Variants in PLD5 observed in about 807,000 individuals in gnomAD.
PLD5 encodes inactive phospholipase D5.
PLD5 carries 36 observed loss-of-function variants against 61.1 expected under a neutral mutation model. The ratio of observed to expected loss-of-function variants is 0.59; its 90% CI spans 0.45 to 0.78. The LOEUF (loss-of-function observed/expected upper bound fraction) is 0.78, where lower values mean the gene tolerates loss of function less well. PLD5 is among the 30% of genes least tolerant of loss of function. The pLI is 0.00. For synonymous variants in PLD5, 243 were observed against 242.8 expected, an observed-to-expected ratio of 1.00 and a Z score of -0.01; for missense variants, 515 against 644.4, an observed-to-expected ratio of 0.80 and a Z score of 2.17.
intron 1 of PLD5, among the ~76,000 whole-genome samples, chr1:242,504,983 C>T (rs1668674417): frequency 6.6e-6 from 1 of 152,014 alleles, no homozygotes; most frequent in South Asian, 2.1e-4. Context: ...CAATGATACT[C>T]CATCTCTAAA....
At chr1:242,267,486 T>A (rs1017209714) in intron 3 of PLD5, among the ~76,000 whole-genome samples, 4 of 152,160 alleles carry the variant, frequency 2.6e-5, no homozygotes, top group African/African-American at 9.7e-5. Context: ...TCATTGAAAG[T>A]GATTAAATTT....
Position 242,087,478 on chromosome 1 carries a change from A to C in PLD5, c.*2376T>G, listed in dbSNP as rs1332464881. 1 of 152,006 alleles carries C rather than the reference A, an allele frequency of 6.6e-6. No homozygotes were observed. Among genetic ancestry groups the C allele is most frequent in the African/African-American group, 2.4e-5 (1 of 41,340 alleles). The allele number at this position is 152,006 out of a possible 1,614,324, so 9.4% of individuals were successfully genotyped here. ...TCAGGGGACAACTTGAGAACTAACA[A>C]ATTTTAGTTTATTTGGTTTTTTTTT... is the stretch of plus-strand genomic sequence containing the variant. On this transcript the variant is annotated 3_prime_UTR_variant, in exon 10 of 10. Transcript: ENST00000536534.
At chr1:242,193,631 A>T (rs762928086) in intron 5 of PLD5, among the ~76,000 whole-genome samples, 49 of 152,224 alleles carry the variant, frequency 3.2e-4, no homozygotes, top group Non-Finnish European at 6.6e-4. Context: ...CATTATTCTC[A>T]GGGCCATTCA....
At chr1:242,200,991 T>C (rs1282176335) in intron 5 of PLD5, among the ~76,000 whole-genome samples, 1 of 152,244 alleles carries the variant, frequency 6.6e-6, no homozygotes, top group Non-Finnish European at 1.5e-5. Flanking sequence ...CAAATGTATC[T>C]AACACCTCAG....
chr1:242,163,394 C>T (rs1328655683), intron 5 of PLD5, among the ~76,000 whole-genome samples: 1 of 151,928 alleles, frequency 6.6e-6, no homozygotes, highest in Non-Finnish European at 1.5e-5. Context: ...CCAGCTGCCT[C>T]GGCCTCCCAA....
intron 3 of PLD5, among the ~76,000 whole-genome samples, chr1:242,273,863 C>G (rs1422038146): frequency 6.6e-6 from 1 of 152,164 alleles, no homozygotes; most frequent in African/African-American, 2.4e-5. Flanking sequence ...GAAGGTGCAG[C>G]AGCAAGCCAA....
intron 2 of PLD5, among the ~76,000 whole-genome samples, chr1:242,332,391 A>G (rs568294443): frequency 6.6e-6 from 1 of 152,292 alleles, no homozygotes; most frequent in South Asian, 2.1e-4. Flanking sequence ...TGCTTTGGGT[A>G]TATACCCAGT....
chr1:242,225,462 T>C (rs1670879274), intron 4 of PLD5, among the ~76,000 whole-genome samples: 1 of 150,824 alleles, frequency 6.6e-6, no homozygotes, highest in Admixed American at 6.6e-5. Context: ...TATTTCATGG[T>C]ATGGAATGCA....
rs377422351 is a variant in PLD5 at position 242,425,801 on chromosome 1, CCTGA to C, written c.190-77563_190-77560del. 1.2e-3 allele frequency among the ~76,000 whole-genome samples: 190 copies of C among 152,110 alleles called. 1 individual carries two copies. The highest frequency in any genetic ancestry group is 4.2e-3 in the African/African-American group (173 of 41,502). ...GGGACTACAGGTGCCCGCCACCACA[CCTGA>C]CTAATTTTTTTGTATTTTTAGTAGA... On this transcript the variant is annotated intron_variant, in intron 1 of 9. Transcript: ENST00000536534.
intron 2 of PLD5, among the ~76,000 whole-genome samples, chr1:242,326,670 T>C (rs1296160293): frequency 6.6e-6 from 1 of 152,070 alleles, no homozygotes; most frequent in Non-Finnish European, 1.5e-5. Flanking sequence ...TTTTGGTTAT[T>C]AGCTTTTTCT....
intron 5 of PLD5, among the ~76,000 whole-genome samples, chr1:242,215,043 A>ATTTTTTT (rs34759131): frequency 8.3e-6 from 1 of 120,616 alleles, no homozygotes; most frequent in Non-Finnish European, 1.7e-5. Flanking sequence ...TGCCTGGCCA[A>ATTTTTTT]TTTTTTTTTT....
chr1:242,376,843 C>A, intron 1 of PLD5: 4 of 1,420,982 alleles, frequency 2.8e-6, no homozygotes, highest in Non-Finnish European at 3.8e-6. Context: ...ATTCTATTAT[C>A]CCACTGCAAA....
At position 242,416,611 on chromosome 1, in the gene PLD5, T is replaced by C. The variant is rs1256352714; in HGVS notation, c.190-68369A>G. On this transcript the variant is annotated intron_variant, in intron 1 of 9. Coordinates refer to ENST00000536534, the MANE Select transcript of PLD5 (RefSeq NM_001372062.1). ...ATATAATTACCCTATTTGAAGTCGT[T>C]ACCTCACCTTCTGCTAAAAAAGAGC... Among the ~76,000 whole-genome samples the C allele has an allele frequency of 3.3e-5, 5 of 152,244 alleles. No individual in the cohort carries two copies. The South Asian group carries it at 6.2e-4, about 19-fold the overall frequency.
chr1:242,109,649 G>C (rs964200528), intron 7 of PLD5, among the ~76,000 whole-genome samples: 1 of 152,078 alleles, frequency 6.6e-6, no homozygotes, highest in African/African-American at 2.4e-5. Flanking sequence ...GTGAAACTTG[G>C]CTCATGCTGT....
chr1:242,352,419 A>T (rs1660529521), intron 1 of PLD5, among the ~76,000 whole-genome samples: 1 of 152,222 alleles, frequency 6.6e-6, no homozygotes. Context: ...CGTTGTACAT[A>T]CATTCCATAT....
intron 1 of PLD5, among the ~76,000 whole-genome samples, chr1:242,474,278 C>T (rs1418578215): frequency 3.9e-5 from 6 of 152,172 alleles, no homozygotes; most frequent in Non-Finnish European, 7.4e-5. Flanking sequence ...AGACCCATAA[C>T]GTCAGCATGT....
At chr1:242,400,090 C>A (rs549709723) in intron 1 of PLD5, among the ~76,000 whole-genome samples, 15 of 152,148 alleles carry the variant, frequency 9.9e-5, no homozygotes, top group African/African-American at 2.9e-4. Flanking sequence ...ACCACTTAAA[C>A]CCAGGAGGCA....
intron 1 of PLD5, among the ~76,000 whole-genome samples, chr1:242,413,418 C>G (rs1260684370): frequency 6.6e-6 from 1 of 151,872 alleles, no homozygotes. Context: ...TTCCATCTCA[C>G]AAGATGTTCA....
rs190558428 is a variant in PLD5 at position 242,214,092 on chromosome 1, G to A, written c.735+5896C>T. Among the ~76,000 whole-genome samples the A allele has an allele frequency of 9.9e-5, 15 of 152,226 alleles. 1 individual carries two copies. The highest frequency in any genetic ancestry group is 3.6e-4 in the African/African-American group (15 of 41,534). ...AGGACAAATAGCGCATGTCCTTCCT[G>A]CTGATAAACTCCTTCATTTCTTATC... On this transcript the variant is annotated intron_variant, in intron 5 of 9. Transcript: ENST00000536534.
Sources: gnomAD v4.1 joint callset for allele counts (sites outside exome capture counted in the v4.1 genomes callset) on GRCh38, gnomAD v4.1.1 for gene constraint, MANE v1.5 for transcripts, NCBI Gene and HGNC (gene_info 2026-07-23, HGNC 2026-07-21) for gene names.